BPTF: variants seen among roughly 807,000 people sequenced by gnomAD.
BPTF encodes the protein bromodomain PHD finger transcription factor.
BPTF carries 18 observed loss-of-function variants against 292.5 expected under a neutral mutation model. That is an observed-to-expected ratio of 0.06 (90% CI 0.04 to 0.09). The LOEUF (loss-of-function observed/expected upper bound fraction) is 0.09, where lower values mean the gene tolerates loss of function less well. Among genes scored for constraint, BPTF ranks in the 10% least tolerant of loss-of-function variants. BPTF has a pLI of 1.00. For synonymous variants in BPTF, 1,225 were observed against 1,251.9 expected (o/e 0.98, Z 0.45); for missense variants, 2,726 against 3,498.7 (o/e 0.78, Z 5.57).
At chr17:67,838,921 T>A (rs1320125729) in intron 1 of BPTF, among the ~76,000 whole-genome samples, 1 of 152,266 alleles carries the variant, frequency 6.6e-6, no homozygotes, top group East Asian at 1.9e-4. Context: ...CTAATGAATT[T>A]TAAAAATTAA....
intron 3 of BPTF, among the ~76,000 whole-genome samples, chr17:67,869,966 C>G (rs2059621055): frequency 7.0e-6 from 1 of 142,048 alleles, no homozygotes; most frequent in Admixed American, 7.4e-5. Context: ...AGCCACTGCA[C>G]TCCAGCCTGG....
chr17:67,835,493 C>T (rs1331637621), intron 1 of BPTF, among the ~76,000 whole-genome samples: 2 of 152,162 alleles, frequency 1.3e-5, no homozygotes, highest in Non-Finnish European at 2.9e-5. Flanking sequence ...GAGTGAAGTC[C>T]TCCTTTGTGG....
intron 27 of BPTF, among the ~76,000 whole-genome samples, chr17:67,979,488 G>A (rs1347565212): frequency 6.6e-6 from 1 of 151,910 alleles, no homozygotes; most frequent in Non-Finnish European, 1.5e-5. Context: ...AGGTTGCAGT[G>A]CACCAAGACC....
chr17:67,894,222 A>G, intron 7 of BPTF, 57 bp downstream of exon 7: 12 of 1,527,568 alleles, frequency 7.9e-6, no homozygotes, highest in Admixed American at 1.8e-5. Context: ...TTGAAATACT[A>G]GCCTATTAAT....
intron 1 of BPTF, among the ~76,000 whole-genome samples, chr17:67,842,281 A>G (rs1598168232): frequency 6.6e-6 from 1 of 152,282 alleles, no homozygotes; most frequent in Admixed American, 6.5e-5. Context: ...TGCATGCATG[A>G]TACCTTTGGC....
chr17:67,854,867 T>C lies in BPTF; in HGVS notation c.1436+105T>C. 1.3e-6 allele frequency: 1 copy of C among 748,246 alleles called. No homozygotes were observed. Among genetic ancestry groups the C allele is most frequent in the East Asian group, 2.7e-5 (1 of 37,142 alleles). The allele number at this position is 748,246 out of a possible 1,614,324, so 46.4% of individuals were successfully genotyped here. On this transcript the variant is annotated intron_variant, in intron 2 of 27. Coordinates refer to ENST00000306378, the MANE Select transcript of BPTF (RefSeq NM_182641.4). The surrounding 1 kb of genome is among the most constrained non-coding windows in gnomAD (Gnocchi z 5.6). ...GCTGTTGATGTGGTATAAACCTTTG[T>C]AACTTAATAGTTATACAGTTAAATA... is the stretch of plus-strand genomic sequence containing the variant.
At chr17:67,835,537 T>G in intron 1 of BPTF, among the ~76,000 whole-genome samples, 1 of 152,256 alleles carries the variant, frequency 6.6e-6, no homozygotes, top group East Asian at 1.9e-4. Flanking sequence ...GTGTATGTGA[T>G]GGTATTGCAT....
intron 23 of BPTF, among the ~76,000 whole-genome samples, chr17:67,954,471 A>G (rs1555680035): frequency 6.6e-6 from 1 of 152,082 alleles, no homozygotes; most frequent in African/African-American, 2.4e-5. Flanking sequence ...AACTTCCAAC[A>G]GGGAGCCGGC....
At position 67,911,121 on chromosome 17, in the gene BPTF, C is replaced by T. The variant is rs767469367; in HGVS notation, c.3237C>T (p.Leu1079=). The change falls in exon 11 of 28, where the codon CTC becomes CTT. Residue 1079 remains leucine (L), a synonymous_variant. Transcript: ENST00000306378. ...KQFTLEEKQR[L]EKIKLEGGIK... ...TTACACTGGAAGAAAAACAGCGACT[C>T]GAAAAAATCAAGTTGGAGGGTGGAA... 23 of 1,613,682 alleles carry T rather than the reference C, an allele frequency of 1.4e-5. No individual in the cohort carries two copies. Among genetic ancestry groups the T allele is most frequent in the East Asian group, 6.7e-5 (3 of 44,870 alleles).
intron 1 of BPTF, among the ~76,000 whole-genome samples, chr17:67,841,334 A>G (rs1441609378): frequency 4.6e-5 from 7 of 152,102 alleles, no homozygotes; most frequent in Admixed American, 2.0e-4. Flanking sequence ...GCTTGAACCC[A>G]GGAGGCGGAG....
intron 24 of BPTF, among the ~76,000 whole-genome samples, chr17:67,962,358 T>C (rs1181815252): frequency 1.3e-5 from 2 of 152,194 alleles, no homozygotes; most frequent in African/African-American, 2.4e-5. Context: ...GACTTTGACA[T>C]GGTGTTCCTA....
chr17:67,901,157 G>C (rs564510931), intron 7 of BPTF, among the ~76,000 whole-genome samples: 9 of 152,234 alleles, frequency 5.9e-5, no homozygotes, highest in Middle Eastern at 3.4e-3. Context: ...AAGCAAATCA[G>C]TAGATAAAAT....
chr17:67,921,209 CAAAAA>C (rs60707445), intron 13 of BPTF, among the ~76,000 whole-genome samples: 1 of 49,226 alleles, frequency 2.0e-5, no homozygotes, highest in Non-Finnish European at 5.1e-5. Flanking sequence ...GAATCCGTGT[CAAAAA>C]AAAAAAAAAA....
At chr17:67,973,190 C>T (rs200138172) in intron 26 of BPTF, among the ~76,000 whole-genome samples, 8 of 149,650 alleles carry the variant, frequency 5.3e-5, no homozygotes, top group Non-Finnish European at 8.9e-5. Context: ...CTGGCTAACA[C>T]GGTGAAACCC....
chr17:67,954,132 ACG>A (rs1555679896), intron 23 of BPTF, among the ~76,000 whole-genome samples: 6 of 127,690 alleles, frequency 4.7e-5, no homozygotes, highest in Admixed American at 7.8e-5. Context: ...GACTACGGGT[ACG>A]GGCGAATGCC....
chr17:67,903,646 C>A, intron 7 of BPTF, 143 bp from the exon 8 acceptor site: 1 of 652,786 alleles, frequency 1.5e-6, no homozygotes, highest in Non-Finnish European at 2.3e-6. Flanking sequence ...TGTACAACTA[C>A]AACTAAGTTT....
intron 11 of BPTF, among the ~76,000 whole-genome samples, chr17:67,915,100 A>C (rs2062895415): frequency 6.6e-6 from 1 of 152,246 alleles, no homozygotes; most frequent in East Asian, 1.9e-4. Flanking sequence ...TTAGGAGTTA[A>C]GAATGCCAAA....
intron 4 of BPTF, among the ~76,000 whole-genome samples, chr17:67,877,640 A>G (rs929552422): frequency 2.9e-5 from 3 of 104,644 alleles, no homozygotes; most frequent in African/African-American, 7.4e-5. Flanking sequence ...TTTTTTTGAG[A>G]GAGAGTCTCA....
At chr17:67,827,474 A>G (rs1369438397) in intron 1 of BPTF, among the ~76,000 whole-genome samples, 1 of 152,222 alleles carries the variant, frequency 6.6e-6, no homozygotes, top group African/African-American at 2.4e-5. Flanking sequence ...TGAAATTAAC[A>G]TAACCAAAGC....
Sources: gnomAD v4.1 joint callset for allele counts (sites outside exome capture counted in the v4.1 genomes callset) on GRCh38, gnomAD v4.1.1 for gene constraint, Gnocchi (gnomAD v3.1) non-coding constraint, MANE v1.5 for transcripts, NCBI Gene and HGNC (gene_info 2026-07-23, HGNC 2026-07-21) for gene names.